The following SLC25A26 variants were observed in gnomAD, a reference collection of about 807,000 sequenced individuals.
The protein encoded by SLC25A26 is mitochondrial S-adenosylmethionine carrier protein.
Under a neutral mutation model 37.8 loss-of-function variants are expected in SLC25A26, and 36 were observed. The ratio of observed to expected loss-of-function variants is 0.95; its 90% CI spans 0.73 to 1.26. The LOEUF (loss-of-function observed/expected upper bound fraction) is 1.26. Ranked by LOEUF, SLC25A26 falls within the 50% of genes most tolerant of loss-of-function variation. SLC25A26 has a pLI of 0.00. For synonymous variants in SLC25A26, 129 were observed against 122.5 expected (o/e 1.05, Z -0.35); for missense variants, 390 against 331.1 (o/e 1.18, Z -1.38).
At chr3:66,298,471 G>A (rs2074974452) in intron 5 of SLC25A26, among the ~76,000 whole-genome samples, 1 of 151,988 alleles carries the variant, frequency 6.6e-6, no homozygotes, top group Non-Finnish European at 1.5e-5. Context: ...TCTTTTTTTG[G>A]TGGGAGATCA....
chr3:66,332,651 A>G (rs1261553407), intron 5 of SLC25A26, among the ~76,000 whole-genome samples: 1 of 152,136 alleles, frequency 6.6e-6, no homozygotes, highest in African/African-American at 2.4e-5. Flanking sequence ...AACTCAAGCC[A>G]TCCGCCTGCC....
chr3:66,374,201 A>C, intron 9 of SLC25A26, among the ~76,000 whole-genome samples: 1 of 152,210 alleles, frequency 6.6e-6, no homozygotes, highest in South Asian at 2.1e-4. Context: ...TTTTTTTCCA[A>C]ATTGAAGGTT....
chr3:66,291,654 C>T (rs908546319), intron 5 of SLC25A26, among the ~76,000 whole-genome samples: 2 of 152,148 alleles, frequency 1.3e-5, no homozygotes, highest in African/African-American at 2.4e-5. Context: ...TTTGATTGCA[C>T]TGTGATCTGA....
chr3:66,286,597 G>A (rs1446524051), intron 5 of SLC25A26, among the ~76,000 whole-genome samples: 1 of 152,024 alleles, frequency 6.6e-6, no homozygotes, highest in African/African-American at 2.4e-5. Context: ...CTTTATTTAG[G>A]TGTTTGTTTT....
At chr3:66,259,832 T>G (rs975477581) in intron 3 of SLC25A26, among the ~76,000 whole-genome samples, 1 of 152,150 alleles carries the variant, frequency 6.6e-6, no homozygotes, top group Admixed American at 6.5e-5. Flanking sequence ...TCCCACTGAC[T>G]ATGGAATGAA....
chr3:66,152,800 A>C lies in SLC25A26; in HGVS notation c.-354+18816A>C, dbSNP rs114477293. Among the ~76,000 whole-genome samples the C allele has an allele frequency of 6.7e-3, 1,021 of 152,316 alleles. 8 individuals are homozygous for C. The highest frequency in any genetic ancestry group is 0.024 in the African/African-American group (978 of 41,564). ...GGTCCTGATGGTACACAGGTGCTCA[A>C]GTAATCCCATCTTGTGCCTTGGGTG... On this transcript the variant is annotated intron_variant, in intron 1 of 10. Transcript: ENST00000676754.
intron 1 of SLC25A26, among the ~76,000 whole-genome samples, chr3:66,186,096 C>T (rs1265506097): frequency 6.6e-6 from 1 of 151,856 alleles, no homozygotes; most frequent in Non-Finnish European, 1.5e-5. Context: ...CTAACCAAGA[C>T]CCTGATGCAT....
At chr3:66,225,370 C>T (rs547138958) in intron 1 of SLC25A26, among the ~76,000 whole-genome samples, 3 of 152,322 alleles carry the variant, frequency 2.0e-5, no homozygotes, top group Admixed American at 6.5e-5. Context: ...TTGCATCCTT[C>T]GAAGCCATAG....
intron 5 of SLC25A26, among the ~76,000 whole-genome samples, chr3:66,302,967 G>C (rs1216511402): frequency 3.9e-5 from 6 of 152,118 alleles, no homozygotes; most frequent in Admixed American, 1.3e-4. Context: ...GCTGTGGATT[G>C]TGTCCATGGG....
Position 66,281,079 on chromosome 3 carries a change from C to T in SLC25A26, c.453+17700C>T, listed in dbSNP as rs137864471. Reference sequence around the variant, plus strand: ...GGTCCCCAACCTTTTTTATTTCCTCCATGACATAGACTTTTGTAGAGTCCG... The same window carrying T: ...GGTCCCCAACCTTTTTTATTTCCTCTATGACATAGACTTTTGTAGAGTCCG... On this transcript the variant is annotated intron_variant, in intron 5 of 9. Transcript: ENST00000354883. Among the ~76,000 whole-genome samples, 736 of 152,256 alleles carry T rather than the reference C, an allele frequency of 4.8e-3. 10 individuals are homozygous for T. Among genetic ancestry groups the T allele is most frequent in the African/African-American group, 0.013 (538 of 41,562 alleles).
intron 5 of SLC25A26, among the ~76,000 whole-genome samples, chr3:66,310,446 T>C (rs999724987): frequency 2.3e-4 from 35 of 152,186 alleles, no homozygotes; most frequent in African/African-American, 8.4e-4. Flanking sequence ...GTCTTAACTC[T>C]ATCCAATTTG....
At chr3:66,139,608 C>G (rs1301535510) in intron 1 of SLC25A26, among the ~76,000 whole-genome samples, 1 of 152,188 alleles carries the variant, frequency 6.6e-6, no homozygotes, top group Non-Finnish European at 1.5e-5. Flanking sequence ...CTGCCTGTAT[C>G]ACATAAATAA....
At chr3:66,141,482 T>C (rs1418377085) in intron 1 of SLC25A26, among the ~76,000 whole-genome samples, 1 of 151,656 alleles carries the variant, frequency 6.6e-6, no homozygotes, top group East Asian at 1.9e-4. Context: ...TCCTGTGTCA[T>C]CTTGATGAAA....
At chr3:66,255,034 C>G (rs183395350) in intron 3 of SLC25A26, among the ~76,000 whole-genome samples, 1 of 152,222 alleles carries the variant, frequency 6.6e-6, no homozygotes, top group Non-Finnish European at 1.5e-5. Flanking sequence ...GGGGTTTTAG[C>G]AGCATCCATC....
chr3:66,208,433 A>G (rs2071208934), intron 1 of SLC25A26, among the ~76,000 whole-genome samples: 1 of 151,996 alleles, frequency 6.6e-6, no homozygotes, highest in Non-Finnish European at 1.5e-5. Context: ...AAATTAGGAA[A>G]GAGATTGCCA....
At position 66,207,356 on chromosome 3, in the gene SLC25A26, C is replaced by T. The variant is rs913926503; in HGVS notation, c.-353-13386C>T. ...GCAGTTCCAACAATTAGGGGTTTCACGGCAAACAAGCCAGGTATAACCATC... is the reference window on the plus strand; with the variant it reads ...GCAGTTCCAACAATTAGGGGTTTCATGGCAAACAAGCCAGGTATAACCATC... On this transcript the variant is annotated intron_variant, in intron 1 of 10. Transcript: ENST00000676754. Among the ~76,000 whole-genome samples, 32 of 152,262 alleles carry T rather than the reference C, an allele frequency of 2.1e-4. 1 individual carries two copies. Among genetic ancestry groups the T allele is most frequent in the African/African-American group, 5.8e-4 (24 of 41,536 alleles).
At chr3:66,377,539 C>T in intron 9 of SLC25A26, 151 bp from the exon 10 acceptor site, 1 of 592,618 alleles carries the variant, frequency 1.7e-6, no homozygotes, top group East Asian at 2.7e-5. Flanking sequence ...TGGGACACAG[C>T]TATTACTTGC....
At chr3:66,251,530 G>T (rs1357657557) in intron 3 of SLC25A26, among the ~76,000 whole-genome samples, 1 of 152,178 alleles carries the variant, frequency 6.6e-6, no homozygotes, top group Non-Finnish European at 1.5e-5. Context: ...TCTTGCCAGT[G>T]GGCCCAGCCA....
intron 5 of SLC25A26, among the ~76,000 whole-genome samples, chr3:66,283,370 T>G (rs530544207): frequency 5.9e-5 from 9 of 152,272 alleles, no homozygotes; most frequent in South Asian, 2.1e-4. Context: ...GCAACCTGTT[T>G]CCCGGGCTCA....
Sources: gnomAD v4.1 joint callset for allele counts (sites outside exome capture counted in the v4.1 genomes callset) on GRCh38, gnomAD v4.1.1 for gene constraint, MANE v1.5 for transcripts, NCBI Gene and HGNC (gene_info 2026-07-23, HGNC 2026-07-21) for gene names.